Variants in ADCY8 observed in about 807,000 individuals in gnomAD.
ADCY8 encodes adenylate cyclase type 8.
In ADCY8, 51 loss-of-function variants were observed where a neutral mutation model predicts 119.7. The observed-to-expected ratio is 0.43, with a 90% confidence interval of 0.34 to 0.54. The LOEUF is 0.54. ADCY8 is among the 20% of genes least tolerant of loss of function. ADCY8 has a pLI of 0.03. For synonymous variants in ADCY8, 665 were observed against 651.0 expected (o/e 1.02, Z -0.33); for missense variants, 1,383 against 1,598.8 (o/e 0.87, Z 2.30).
At chr8:130,918,405 A>C (rs1184581334) in intron 5 of ADCY8, among the ~76,000 whole-genome samples, 2 of 152,184 alleles carry the variant, frequency 1.3e-5, no homozygotes, top group Admixed American at 1.3e-4. Flanking sequence ...CCTCATCTCC[A>C]GATACTGTTA....
At chr8:130,954,191 C>G (rs897927343) in intron 2 of ADCY8, among the ~76,000 whole-genome samples, 1 of 152,126 alleles carries the variant, frequency 6.6e-6, no homozygotes, top group Non-Finnish European at 1.5e-5. Flanking sequence ...TGTTGTATTA[C>G]AGTGATGTTT....
intron 1 of ADCY8, among the ~76,000 whole-genome samples, chr8:131,024,809 C>T (rs888341840): frequency 1.6e-4 from 25 of 152,158 alleles, no homozygotes; most frequent in African/African-American, 5.8e-4. Context: ...GGGAGTGATT[C>T]TTTCAGTATT....
At chr8:130,975,450 G>A (rs1822043783) in intron 2 of ADCY8, among the ~76,000 whole-genome samples, 1 of 152,150 alleles carries the variant, frequency 6.6e-6, no homozygotes, top group African/African-American at 2.4e-5. Flanking sequence ...GGGGAATGCA[G>A]GAGCAAGAAA....
At position 131,039,542 on chromosome 8, in the gene ADCY8, G is replaced by A. The variant is rs1386540850; in HGVS notation, c.792C>T (p.Tyr264=). Residue 264 remains tyrosine (Y), a synonymous_variant, in exon 1 of 18, where the codon TAC becomes TAT. Coordinates refer to ENST00000286355, the MANE Select transcript of ADCY8 (RefSeq NM_001115.3). The part of the protein sequence containing the change: ...TTQILAAGLG[Y]GLLGDGIGYV... The stretch of plus-strand genomic sequence containing the variant: ...AGCCTATGCCGTCGCCCAGGAGCCC[G>A]TAGCCGAGGCCTGCTGCCAGGATCT... The A allele has an allele frequency of 2.5e-6, 4 of 1,613,626 alleles. No individual in the cohort carries two copies. The highest frequency in any genetic ancestry group is 1.1e-5 in the South Asian group (1 of 91,094).
intron 5 of ADCY8, among the ~76,000 whole-genome samples, chr8:130,930,203 C>T (rs1022077638): frequency 1.3e-5 from 2 of 151,484 alleles, no homozygotes; most frequent in African/African-American, 4.8e-5. Context: ...TTTTGTCTTC[C>T]TCTGAGGTTA....
chr8:130,918,963 T>C (rs1191407424), intron 5 of ADCY8, among the ~76,000 whole-genome samples: 4 of 152,158 alleles, frequency 2.6e-5, no homozygotes, highest in Admixed American at 6.5e-5. Context: ...CAGGAGTAGC[T>C]GAGGCAGGAG....
chr8:130,862,459 C>G (rs1215919892), intron 9 of ADCY8, among the ~76,000 whole-genome samples: 1 of 152,186 alleles, frequency 6.6e-6, no homozygotes, highest in African/African-American at 2.4e-5. Context: ...CTCTCCCAGG[C>G]TGAATTGCAG....
chr8:130,970,378 C>T (rs559293946), intron 2 of ADCY8, among the ~76,000 whole-genome samples: 8 of 152,144 alleles, frequency 5.3e-5, no homozygotes, highest in Non-Finnish European at 2.9e-5. Flanking sequence ...GTGTAGGTTG[C>T]GTGCTTCTTA....
At chr8:130,908,253 G>A (rs1483798235) in intron 6 of ADCY8, among the ~76,000 whole-genome samples, 1 of 152,166 alleles carries the variant, frequency 6.6e-6, no homozygotes, top group Non-Finnish European at 1.5e-5. Flanking sequence ...TTGAGTATAT[G>A]GGCAATTCCC....
chr8:130,964,976 T>C (rs1256327337), intron 2 of ADCY8, among the ~76,000 whole-genome samples: 2 of 152,250 alleles, frequency 1.3e-5, no homozygotes, highest in Admixed American at 1.3e-4. Flanking sequence ...TGTCTTCTTT[T>C]GAGAGGTGTC....
chr8:131,015,531 C>G lies in ADCY8; in HGVS notation c.960+23843G>C, dbSNP rs1385000664. On this transcript the variant is annotated intron_variant, in intron 1 of 17. Transcript: ENST00000286355. ...GGTGGTAGAGAAGATATAAACAAAT[C>G]AACTTTTACAGAGACTTTAAAAACT... Among the ~76,000 whole-genome samples the G allele has an allele frequency of 2.0e-5, 3 of 152,260 alleles. No individual in the cohort carries two copies. The East Asian group carries it at 5.8e-4, about 29-fold the overall frequency.
At position 130,963,191 on chromosome 8, in the gene ADCY8, G is replaced by A. The variant is rs1237788568; in HGVS notation, c.1111-11193C>T. ...TTACTTACTAAGTCCAGGAGTAAGT[G>A]GCTTAGTCCTTGGCAGGAAGAATCA... On this transcript the variant is annotated intron_variant, in intron 2 of 17. Transcript: ENST00000286355. Among the ~76,000 whole-genome samples, 3 of 150,662 alleles carry A rather than the reference G, an allele frequency of 2.0e-5. No individual in the cohort carries two copies. In the East Asian group the frequency reaches 5.8e-4, roughly 29 times the overall value.
chr8:130,869,838 C>A (rs563029076), intron 8 of ADCY8, among the ~76,000 whole-genome samples: 15 of 152,060 alleles, frequency 9.9e-5, no homozygotes, highest in African/African-American at 3.6e-4. Flanking sequence ...AATTTCAAAC[C>A]AGCATGGTTG....
chr8:130,869,526 G>GT (rs1275593013), intron 8 of ADCY8, among the ~76,000 whole-genome samples: 73 of 114,502 alleles, frequency 6.4e-4, no homozygotes, highest in African/African-American at 1.3e-3. Context: ...TTGTTTTTTT[G>GT]TTTTTTTTTG....
chr8:131,013,129 G>A (rs1052879236), intron 1 of ADCY8, among the ~76,000 whole-genome samples: 7 of 152,116 alleles, frequency 4.6e-5, no homozygotes, highest in Non-Finnish European at 7.3e-5. Context: ...CATTTATTGA[G>A]TCCCAAGTAT....
chr8:130,905,772 A>T (rs2130537576), intron 6 of ADCY8, among the ~76,000 whole-genome samples: 1 of 152,320 alleles, frequency 6.6e-6, no homozygotes, highest in Non-Finnish European at 1.5e-5. Flanking sequence ...AGGTGGGAAG[A>T]TCGCTTGAGC....
At chr8:130,824,786 A>T (rs1363182280) in intron 12 of ADCY8, among the ~76,000 whole-genome samples, 1 of 152,186 alleles carries the variant, frequency 6.6e-6, no homozygotes, top group Non-Finnish European at 1.5e-5. Flanking sequence ...GGGTTTCTTG[A>T]AATTTTTTTT....
rs751417895 is a variant in ADCY8 at position 130,909,883 on chromosome 8, A to G, written c.1482-17T>C. ...CGCACATACCTGTTGACATAGGTAA[A>G]TGGAGAGACACATGTATAAGACCAG... is the stretch of plus-strand genomic sequence containing the variant. On this transcript the variant is annotated splice_polypyrimidine_tract_variant and intron_variant, in intron 5 of 17. Coordinates refer to ENST00000286355, the MANE Select transcript of ADCY8 (RefSeq NM_001115.3). 29 of 1,612,770 alleles carry G rather than the reference A, an allele frequency of 1.8e-5. No individual in the cohort carries two copies. The highest frequency in any genetic ancestry group is 2.4e-5 in the Non-Finnish European group (28 of 1,179,154).
rs376150276 is a variant in ADCY8 at position 131,010,624 on chromosome 8, C to T, written c.961-20082G>A. Among the ~76,000 whole-genome samples, 13 of 152,252 alleles carry T rather than the reference C, an allele frequency of 8.5e-5. 1 individual carries two copies. The East Asian group carries it at 1.9e-3, about 23-fold the overall frequency. ...GGAGAGGAAAGGAGGAAATAAAGCA[C>T]TTTAAATAATTCCAGCAATGCTGTC... is the stretch of plus-strand genomic sequence containing the variant. On this transcript the variant is annotated intron_variant, in intron 1 of 17. Transcript: ENST00000286355.
Sources: allele counts gnomAD v4.1 joint callset (sites outside exome capture counted in the v4.1 genomes callset), GRCh38; gene constraint gnomAD v4.1.1; transcripts MANE v1.5; gene names NCBI Gene and HGNC (gene_info 2026-07-23, HGNC 2026-07-21).